SLC10A5: variants seen among roughly 807,000 people sequenced by gnomAD.
The protein encoded by SLC10A5 is sodium/bile acid cotransporter 5.
For synonymous variants in SLC10A5, 181 were observed against 183.7 expected (o/e 0.99, Z 0.12); for missense variants, 475 against 500.7 (o/e 0.95, Z 0.49).
chr8:81,693,747 C>A lies in SLC10A5; in HGVS notation c.1226G>T (p.Cys409Phe), dbSNP rs201062988. Residue 409 changes from cysteine to phenylalanine, a missense_variant, in exon 1 of 1, where the codon TGT becomes TTT. Coordinates refer to ENST00000518568, the MANE Select transcript of SLC10A5 (RefSeq NM_001010893.3). ...AACTAGAATGATCAGTAACATTTCA[C>A]ATCCAGAACACATGGCTACTGTAAA... ...APFTVAMCSG[C>F]EMLLIILVYK... 1.4e-5 allele frequency: 23 copies of A among 1,613,938 alleles called. No homozygotes were observed. Among genetic ancestry groups the A allele is most frequent in the Non-Finnish European group, 1.9e-5 (23 of 1,180,012 alleles).
Position 81,694,784 on chromosome 8 carries a change from T to G in SLC10A5, c.189A>C (p.Lys63Asn). Reference sequence around the variant, plus strand: ...TTTGTAGTATTTTAGGATCTTCTATTTTCACAAAGAGGTGGCTGGAATTAG... The same window carrying G: ...TTTGTAGTATTTTAGGATCTTCTATGTTCACAAAGAGGTGGCTGGAATTAG... ...KRPNSSHLFV[K>N]IEDPKILQMV... Residue 63 changes from lysine to asparagine, a missense_variant, in exon 1 of 1, where the codon AAA becomes AAC. Transcript: ENST00000518568. The G allele has an allele frequency of 6.2e-7, 1 of 1,613,924 alleles. No homozygotes were observed. The highest frequency in any genetic ancestry group is 2.2e-5 in the East Asian group (1 of 44,866).
Position 81,694,560 on chromosome 8 carries a change from T to G in SLC10A5, c.413A>C (p.His138Pro), listed in dbSNP as rs377165943. 1.9e-6 allele frequency: 3 copies of G among 1,614,018 alleles called. No individual in the cohort carries two copies. Among genetic ancestry groups the G allele is most frequent in the African/African-American group, 2.7e-5 (2 of 74,940 alleles). The change falls in exon 1 of 1, where the codon CAT (histidine) becomes CCT (proline). Residue 138 changes from histidine (H) to proline (P), a missense_variant. His to Pro is a moderately conservative substitution (Grantham distance 77, BLOSUM62 -2). Coordinates refer to ENST00000518568, the MANE Select transcript of SLC10A5 (RefSeq NM_001010893.3). ...QKDSLLQAPMHIDRNILMLIL... is the reference protein window; with the variant it reads ...QKDSLLQAPMPIDRNILMLIL... ...AAGCATTAGGATATTTCTATCAATATGCATTGGTGCCTGGAGTAGACTGTC... is the reference window on the plus strand; with the variant it reads ...AAGCATTAGGATATTTCTATCAATAGGCATTGGTGCCTGGAGTAGACTGTC...
In SLC10A5 at chr8:81,693,695, A is replaced by G; in HGVS notation, c.1278T>C (p.Phe426=). 6.3e-7 allele frequency: 1 copy of G among 1,592,750 alleles called. No individual in the cohort carries two copies. The highest frequency in any genetic ancestry group is 8.5e-7 in the Non-Finnish European group (1 of 1,173,930). The change falls in exon 1 of 1, where the codon TTT becomes TTC. Residue 426 remains phenylalanine (F), a synonymous_variant. Coordinates refer to ENST00000518568, the MANE Select transcript of SLC10A5 (RefSeq NM_001010893.3). Reference sequence around the variant, plus strand: ...TTCTTTTCCTTTTATCTTGTAAGAAAAAGATACATCTTTTCTTAGCCTTGT... The same window carrying G: ...TTCTTTTCCTTTTATCTTGTAAGAAGAAGATACATCTTTTCTTAGCCTTGT... ...LVYKAKKRCI[F]FLQDKRKRNF...
rs1807682203 is a variant in SLC10A5 at position 81,693,785 on chromosome 8, A to G, written c.1188T>C (p.Ala396=). The G allele has an allele frequency of 6.2e-7, 1 of 1,614,048 alleles. No individual in the cohort carries two copies. The highest frequency in any genetic ancestry group is 1.7e-5 in the Admixed American group (1 of 60,004). ...TGGCTACTGTAAAAGGAGCCACAGA[A>G]GCTAAATTGGCCTTGGACTGTGGAA... ...LSFPQSKANL[A]SVAPFTVAMC... The change falls in exon 1 of 1, where the codon GCT becomes GCC. Residue 396 remains alanine, a synonymous_variant. Coordinates refer to ENST00000518568, the MANE Select transcript of SLC10A5 (RefSeq NM_001010893.3).
rs1227707220 is a variant in SLC10A5, at chr8:81,694,930, TC to T, written c.42del (p.Thr15LeufsTer2). The T allele has an allele frequency of 6.3e-7, 1 of 1,584,246 alleles. No individual in the cohort carries two copies. Among genetic ancestry groups the T allele is most frequent in the Non-Finnish European group, 8.5e-7 (1 of 1,171,794 alleles). On this transcript the variant is annotated frameshift_variant, in exon 1 of 1. Transcript: ENST00000518568. LOFTEE classifies it low-confidence loss of function (END_TRUNC). The stretch of plus-strand genomic sequence containing the variant: ...GATGACATCCTTGCTTCTTCTATAG[TC>T]ACAAGCAACAAAAGTAGAACAATAA... ...KLFIVLLLLLVTIEEARMSSL... is the reference protein window; with the variant it reads ...KLFIVLLLLLXTIEEARMSSL...
Sources: gnomAD v4.1 joint callset for allele counts on GRCh38, gnomAD v4.1.1 for gene constraint, MANE v1.5 for transcripts, NCBI Gene and HGNC (gene_info 2026-07-23, HGNC 2026-07-21) for gene names.